AATF: variants seen among roughly 807,000 people sequenced by gnomAD.
AATF encodes apoptosis antagonizing transcription factor.
Under a neutral mutation model 63.7 loss-of-function variants are expected in AATF, and 48 were observed. That is an observed-to-expected ratio of 0.75 (90% CI 0.60 to 0.96). AATF has a LOEUF of 0.96. Ranked by LOEUF, AATF falls within the 40% of genes least tolerant of loss-of-function variation. AATF has a pLI of 0.00. For synonymous variants in AATF, 258 were observed against 247.7 expected, an observed-to-expected ratio of 1.04 and a Z score of -0.39; for missense variants, 639 against 685.7, an observed-to-expected ratio of 0.93 and a Z score of 0.76.
At chr17:36,960,259 G>A (rs1483541953) in intron 4 of AATF, among the ~76,000 whole-genome samples, 3 of 152,162 alleles carry the variant, frequency 2.0e-5, no homozygotes, top group South Asian at 2.1e-4. Context: ...AGATCCACCC[G>A]CCTCGGCCTC....
intron 8 of AATF, among the ~76,000 whole-genome samples, chr17:37,014,163 T>G (rs2071412286): frequency 6.6e-6 from 1 of 152,122 alleles, no homozygotes; most frequent in African/African-American, 2.4e-5. Flanking sequence ...TTTATGTAAC[T>G]CTCATTATAC....
rs112820242 is a variant in AATF at position 36,984,795 on chromosome 17, C to T, written c.833-1822C>T. ...GGACTATAGTGCGCACCATCAAAAC[C>T]GGCTAGTTTTTAAAAAAAATTTTGT... is the stretch of plus-strand genomic sequence containing the variant. On this transcript the variant is annotated intron_variant, in intron 4 of 11. Transcript: ENST00000619387. 5.9e-5 allele frequency among the ~76,000 whole-genome samples: 9 copies of T among 151,868 alleles called. No homozygotes were observed. The East Asian group carries it at 7.7e-4, about 13-fold the overall frequency.
chr17:37,001,031 A>G lies in AATF; in HGVS notation c.1398+10174A>G, dbSNP rs954578173. 4.6e-5 allele frequency among the ~76,000 whole-genome samples: 7 copies of G among 152,206 alleles called. No homozygotes were observed. In the East Asian group the frequency reaches 1.4e-3, roughly 29 times the overall value. On this transcript the variant is annotated intron_variant, in intron 8 of 11. Transcript: ENST00000619387. ...CAGACTAAAACATCACAAAGAAGAA[A>G]TTACAGGCTGTGCACAGTGGCTTAG...
Position 37,025,280 on chromosome 17 carries a change from C to G in AATF, c.1547+4266C>G, listed in dbSNP as rs141437079. ...TGAATATGTTGAAGTTTGACACAAC[C>G]TTCAGAAATCCAAGTTGAGATATTT... On this transcript the variant is annotated intron_variant, in intron 10 of 11. Transcript: ENST00000619387. Among the ~76,000 whole-genome samples the G allele has an allele frequency of 4.6e-5, 7 of 152,196 alleles. No homozygotes were observed. In the East Asian group the frequency reaches 1.3e-3, roughly 29 times the overall value.
chr17:36,973,578 A>G (rs1282178821), intron 4 of AATF, among the ~76,000 whole-genome samples: 1 of 152,200 alleles, frequency 6.6e-6, no homozygotes, highest in African/African-American at 2.4e-5. Flanking sequence ...CACAAGAAGT[A>G]GACATGTCCT....
At chr17:37,027,230 G>T (rs1337780527) in intron 10 of AATF, among the ~76,000 whole-genome samples, 1 of 151,968 alleles carries the variant, frequency 6.6e-6, no homozygotes, top group East Asian at 1.9e-4. Context: ...ATTTAGTTAT[G>T]ATTTAATCAG....
chr17:36,972,516 T>C (rs1400813112), intron 4 of AATF, among the ~76,000 whole-genome samples: 1 of 152,224 alleles, frequency 6.6e-6, no homozygotes, highest in East Asian at 1.9e-4. Context: ...TAGGCTGCAC[T>C]GCAGGAAAAG....
At chr17:37,046,480 G>A (rs1398490027) in intron 11 of AATF, among the ~76,000 whole-genome samples, 4 of 152,116 alleles carry the variant, frequency 2.6e-5, no homozygotes, top group Admixed American at 2.0e-4. Context: ...TGCTCCCCAG[G>A]CCCCAGCGGT....
At chr17:37,031,517 G>A (rs1183731321) in intron 10 of AATF, 97 bp from the exon 11 acceptor site, 10 of 999,096 alleles carry the variant, frequency 1.0e-5, no homozygotes, top group Non-Finnish European at 1.6e-5. Context: ...AGATGTTCCA[G>A]TGATCAGTTC....
At chr17:36,953,693 G>A in intron 3 of AATF, 77 bp from the exon 4 acceptor site, 1 of 1,444,264 alleles carries the variant, frequency 6.9e-7, no homozygotes. Flanking sequence ...GTGGTTTCCT[G>A]TTCTTCCCCA....
intron 8 of AATF, among the ~76,000 whole-genome samples, chr17:37,004,106 G>C (rs1252444064): frequency 2.0e-5 from 3 of 151,592 alleles, no homozygotes; most frequent in Non-Finnish European, 2.9e-5. Context: ...GAGGCAGGTG[G>C]ATCACTTGAG....
chr17:36,992,443 T>G (rs1489360744), intron 8 of AATF, among the ~76,000 whole-genome samples: 1 of 152,200 alleles, frequency 6.6e-6, no homozygotes, highest in Non-Finnish European at 1.5e-5. Flanking sequence ...ATATGGGATA[T>G]TAATGCTGTA....
At chr17:37,037,887 A>G (rs1425396929) in intron 11 of AATF, among the ~76,000 whole-genome samples, 1 of 152,120 alleles carries the variant, frequency 6.6e-6, no homozygotes. Flanking sequence ...CTGGTTGTTT[A>G]GCAGTGTGTG....
intron 8 of AATF, among the ~76,000 whole-genome samples, chr17:37,009,628 T>C (rs2071370637): frequency 6.9e-6 from 1 of 145,712 alleles, no homozygotes. Context: ...CCATCCTGGC[T>C]AACAAGGTGA....
chr17:37,016,624 T>C (rs1186399536), intron 8 of AATF, among the ~76,000 whole-genome samples: 2 of 152,194 alleles, frequency 1.3e-5, no homozygotes, highest in Non-Finnish European at 2.9e-5. Context: ...AACTTGAATT[T>C]TAGTAGAAAG....
intron 6 of AATF, among the ~76,000 whole-genome samples, 175 bp from the exon 7 acceptor site, chr17:36,989,072 C>CT (rs540536081): frequency 8.1e-5 from 12 of 147,786 alleles, no homozygotes; most frequent in East Asian, 2.0e-4. Context: ...TTAAGACTAA[C>CT]TTTTTTTTTT....
chr17:36,995,404 G>A (rs754208763), intron 8 of AATF, among the ~76,000 whole-genome samples: 3 of 152,164 alleles, frequency 2.0e-5, no homozygotes, highest in Non-Finnish European at 4.4e-5. Context: ...TTTTTGACAT[G>A]ACAGTTTAAT....
intron 4 of AATF, among the ~76,000 whole-genome samples, chr17:36,973,453 C>T (rs1344728191): frequency 6.6e-6 from 1 of 152,126 alleles, no homozygotes; most frequent in African/African-American, 2.4e-5. Flanking sequence ...AGGGTTTTCT[C>T]CCCTTTTCAA....
At chr17:37,026,114 A>G (rs1412299717) in intron 10 of AATF, among the ~76,000 whole-genome samples, 1 of 152,214 alleles carries the variant, frequency 6.6e-6, no homozygotes, top group Non-Finnish European at 1.5e-5. Context: ...AAAACAGCAT[A>G]CAAATCCACA....
Sources: allele counts gnomAD v4.1 joint callset (sites outside exome capture counted in the v4.1 genomes callset), GRCh38; gene constraint gnomAD v4.1.1; transcripts MANE v1.5; gene names NCBI Gene and HGNC (gene_info 2026-07-23, HGNC 2026-07-21).